The following NPAS3 variants were observed in gnomAD, a reference collection of about 807,000 sequenced individuals.
The protein encoded by NPAS3 is neuronal PAS domain-containing protein 3.
Under a neutral mutation model 73.1 loss-of-function variants are expected in NPAS3, and 14 were observed. That is an observed-to-expected ratio of 0.19 (90% CI 0.13 to 0.30). The LOEUF (loss-of-function observed/expected upper bound fraction) is 0.30. NPAS3 is among the 10% of genes least tolerant of loss of function. NPAS3 has a pLI of 1.00. For synonymous variants in NPAS3, 620 were observed against 541.5 expected (o/e 1.14, Z -2.01); for missense variants, 1,096 against 1,250.0 (o/e 0.88, Z 1.86).
chr14:33,298,162 A>T (rs2042381096), intron 3 of NPAS3, among the ~76,000 whole-genome samples: 1 of 152,142 alleles, frequency 6.6e-6, no homozygotes, highest in South Asian at 2.1e-4. Flanking sequence ...ACATGCCTGT[A>T]ATCCCAGCTA....
chr14:33,327,874 G>C (rs2043782748), intron 3 of NPAS3, among the ~76,000 whole-genome samples: 1 of 152,158 alleles, frequency 6.6e-6, no homozygotes, highest in South Asian at 2.1e-4. Context: ...ATTTCAAAAA[G>C]ATACCACCCA....
intron 7 of NPAS3, among the ~76,000 whole-genome samples, chr14:33,750,105 A>AT (rs1433128282): frequency 2.0e-5 from 3 of 152,136 alleles, no homozygotes; most frequent in Non-Finnish European, 4.4e-5. Context: ...TAGAAAAAAA[A>AT]TTTATACAGC....
intron 5 of NPAS3, among the ~76,000 whole-genome samples, chr14:33,670,807 A>G (rs932290058): frequency 6.6e-6 from 1 of 152,008 alleles, no homozygotes; most frequent in Non-Finnish European, 1.5e-5. Flanking sequence ...TGACCTTTGA[A>G]TGACCTTTTA....
In NPAS3 at chr14:33,363,044, C is replaced by T. The variant is rs142634121; in HGVS notation, c.386-4142C>T. On this transcript the variant is annotated intron_variant, in intron 3 of 11. Coordinates refer to ENST00000356141, the Ensembl canonical transcript of NPAS3. ...AGCAGGGCACAAGGCAAGTAGGGCT[C>T]GTGACTTTTCCCCTTTCATTATGTG... Among the ~76,000 whole-genome samples, 17 of 152,130 alleles carry T rather than the reference C, an allele frequency of 1.1e-4. No homozygotes were observed. The East Asian group carries it at 1.7e-3, about 16-fold the overall frequency.
At chr14:33,374,943 A>G (rs980041626) in intron 4 of NPAS3, among the ~76,000 whole-genome samples, 1 of 152,178 alleles carries the variant, frequency 6.6e-6, no homozygotes, top group Non-Finnish European at 1.5e-5. Context: ...ACCTCTGTGA[A>G]ACAGTGATAT....
chr14:33,032,429 T>C lies in NPAS3; in HGVS notation c.51-23476T>C, dbSNP rs904973333. On this transcript the variant is annotated intron_variant, in intron 1 of 11. Transcript: ENST00000356141. ...GCTTCCAGGAGGATGCCAGCATGCC[T>C]AAGGGTTATTTCTTTATGGAGCTTT... Among the ~76,000 whole-genome samples, 12 of 152,280 alleles carry C rather than the reference T, an allele frequency of 7.9e-5. No homozygotes were observed. The East Asian group carries it at 2.1e-3, about 27-fold the overall frequency.
At chr14:32,961,712 C>T (rs887379785) in intron 1 of NPAS3, among the ~76,000 whole-genome samples, 1 of 152,104 alleles carries the variant, frequency 6.6e-6, no homozygotes. Flanking sequence ...GCTTTACATA[C>T]ATTATCTCAT....
At chr14:33,475,504 T>A (rs2050981740) in intron 4 of NPAS3, among the ~76,000 whole-genome samples, 1 of 151,720 alleles carries the variant, frequency 6.6e-6, no homozygotes, top group Non-Finnish European at 1.5e-5. Context: ...TACTTTAAGT[T>A]TTTATGTGTC....
chr14:33,039,451 C>A (rs1953443), intron 1 of NPAS3, among the ~76,000 whole-genome samples: 1 of 152,056 alleles, frequency 6.6e-6, no homozygotes, highest in East Asian at 1.9e-4. Context: ...CTCCCCACCC[C>A]CTCTTGGACT....
chr14:33,594,425 A>C (rs1486029314), intron 5 of NPAS3, among the ~76,000 whole-genome samples: 1 of 152,080 alleles, frequency 6.6e-6, no homozygotes, highest in Non-Finnish European at 1.5e-5. Context: ...TATGGTCTCA[A>C]ACAAATCTTT....
At position 33,028,203 on chromosome 14, in the gene NPAS3, G is replaced by A. The variant is rs549776500; in HGVS notation, c.51-27702G>A. 3.6e-4 allele frequency among the ~76,000 whole-genome samples: 55 copies of A among 152,260 alleles called. No individual in the cohort carries two copies. The South Asian group carries it at 8.7e-3, about 24-fold the overall frequency. On this transcript the variant is annotated intron_variant, in intron 1 of 11. Transcript: ENST00000356141. ...CCTCCACGTGTGAAATACATTTATA[G>A]CTTATAAACAATAGCTTTCCCTTTA...
At chr14:33,751,527 G>A (rs1180917213) in intron 7 of NPAS3, among the ~76,000 whole-genome samples, 1 of 152,128 alleles carries the variant, frequency 6.6e-6, no homozygotes, top group African/African-American at 2.4e-5. Context: ...ACAAAGCACT[G>A]CATAGACCTC....
At chr14:33,030,627 T>C (rs2039955957) in intron 1 of NPAS3, among the ~76,000 whole-genome samples, 2 of 152,016 alleles carry the variant, frequency 1.3e-5, no homozygotes, top group Admixed American at 6.6e-5. Context: ...CAGGCGAAAA[T>C]ACAGCTGTCA....
chr14:33,350,530 CT>C (rs1396103834), intron 3 of NPAS3, among the ~76,000 whole-genome samples: 1 of 152,214 alleles, frequency 6.6e-6, no homozygotes, highest in Non-Finnish European at 1.5e-5. Context: ...TAGGACCCCC[CT>C]CTGGGTGTAT....
intron 5 of NPAS3, among the ~76,000 whole-genome samples, chr14:33,641,768 T>G (rs2058681993): frequency 6.6e-6 from 1 of 152,160 alleles, no homozygotes; most frequent in Admixed American, 6.5e-5. Context: ...TATATTACTA[T>G]TGTGCCAAGG....
chr14:33,238,888 C>A (rs2048125901), intron 3 of NPAS3, among the ~76,000 whole-genome samples: 1 of 151,892 alleles, frequency 6.6e-6, no homozygotes, highest in Non-Finnish European at 1.5e-5. Flanking sequence ...TCAGCTGAAA[C>A]TAATATGTGT....
chr14:33,555,132 T>A (rs1485839746), intron 4 of NPAS3, among the ~76,000 whole-genome samples: 1 of 152,208 alleles, frequency 6.6e-6, no homozygotes, highest in Admixed American at 6.6e-5. Context: ...CCTGTCTGGA[T>A]GGCTAAGAAC....
At position 33,277,475 on chromosome 14, in the gene NPAS3, G is replaced by T. The variant is rs889553390; in HGVS notation, c.385+62049G>T. Among the ~76,000 whole-genome samples, 4 of 152,176 alleles carry T rather than the reference G, an allele frequency of 2.6e-5. No individual in the cohort carries two copies. In the East Asian group the frequency reaches 5.8e-4, roughly 22 times the overall value. On this transcript the variant is annotated intron_variant, in intron 3 of 11. Transcript: ENST00000356141. ...ATGGAACTTACCTTCTGCCAGAGAA[G>T]AAAGTCAACAAATACATATGTGATA...
At chr14:33,136,982 GATGA>G (rs2043865821) in intron 2 of NPAS3, among the ~76,000 whole-genome samples, 1 of 152,162 alleles carries the variant, frequency 6.6e-6, no homozygotes, top group Admixed American at 6.5e-5. Flanking sequence ...TTAAAATTGA[GATGA>G]ATGAATATGC....
Sources: gnomAD v4.1 joint callset for allele counts (sites outside exome capture counted in the v4.1 genomes callset) on GRCh38, gnomAD v4.1.1 for gene constraint, MANE v1.5 for transcripts, NCBI Gene and HGNC (gene_info 2026-07-23, HGNC 2026-07-21) for gene names.